Variants in ZC4H2 observed in about 807,000 individuals in gnomAD.
The protein encoded by ZC4H2 is zinc finger C4H2 domain-containing protein.
For synonymous variants in ZC4H2, 84 were observed against 66.3 expected, an observed-to-expected ratio of 1.27 and a Z score of -1.30; for missense variants, 137 against 173.9, an observed-to-expected ratio of 0.79 and a Z score of 1.19.
At chrX:65,028,645 C>A (rs1418971593) in intron 1 of ZC4H2, among the ~76,000 whole-genome samples, 2 of 110,104 alleles carry the variant, frequency 1.8e-5, no homozygotes, top group African/African-American at 6.6e-5. Context: ...GATTCTCAGG[C>A]CTCAGCCTCC....
intron 1 of ZC4H2, among the ~76,000 whole-genome samples, chrX:64,976,106 G>A (rs1325793043): frequency 1.8e-5 from 2 of 111,228 alleles, no homozygotes; most frequent in Non-Finnish European, 3.8e-5. Context: ...TACCAAACCC[G>A]TGTTTCTTCA....
intron 2 of ZC4H2, among the ~76,000 whole-genome samples, 188 bp from the exon 3 acceptor site, chrX:64,920,441 C>T (rs1175352237): frequency 8.9e-6 from 1 of 111,904 alleles, no homozygotes. Flanking sequence ...TGGTGATATT[C>T]TAGTGCTTAA....
At chrX:65,031,685 C>T (rs778199527) in intron 1 of ZC4H2, among the ~76,000 whole-genome samples, 3 of 112,003 alleles carry the variant, frequency 2.7e-5, no homozygotes, top group African/African-American at 6.5e-5. Flanking sequence ...ACTACAGAGT[C>T]TCAGTCTCCA....
At chrX:64,997,097 A>C (rs967387191) in intron 1 of ZC4H2, among the ~76,000 whole-genome samples, 1 of 112,405 alleles carries the variant, frequency 8.9e-6, no homozygotes, top group African/African-American at 3.2e-5. Flanking sequence ...CTTGAAAGCA[A>C]CAAGAGAAAA....
intron 1 of ZC4H2, among the ~76,000 whole-genome samples, chrX:64,955,280 T>C: frequency 8.9e-6 from 1 of 111,826 alleles, no homozygotes; most frequent in Non-Finnish European, 1.9e-5. Context: ...AATGCATGTT[T>C]TCTGGTTGTA....
At chrX:64,994,196 GTAT>G (rs1348921949) in intron 1 of ZC4H2, among the ~76,000 whole-genome samples, 1 of 111,433 alleles carries the variant, frequency 9.0e-6, no homozygotes, top group African/African-American at 3.3e-5. Context: ...ACCTTTACAG[GTAT>G]TATTAGTATG....
intron 1 of ZC4H2, among the ~76,000 whole-genome samples, chrX:64,952,458 A>C (rs1307187365): frequency 9.0e-6 from 1 of 110,856 alleles, no homozygotes; most frequent in African/African-American, 3.3e-5. Context: ...CTGATAAGCA[A>C]CTTCAGCAAA....
chrX:64,981,540 A>C (rs1435614740), intron 1 of ZC4H2, among the ~76,000 whole-genome samples: 1 of 111,125 alleles, frequency 9.0e-6, no homozygotes, highest in Non-Finnish European at 1.9e-5. Context: ...AAGGCATCTA[A>C]AATGACTCCT....
intron 1 of ZC4H2, among the ~76,000 whole-genome samples, chrX:64,966,802 C>T (rs1455670650): frequency 9.0e-6 from 1 of 111,642 alleles, no homozygotes; most frequent in East Asian, 2.8e-4. Context: ...TGGATAAGAA[C>T]AAAGATCAAC....
chrX:65,034,115 T>C (rs1932975404), intron 1 of ZC4H2, among the ~76,000 whole-genome samples: 1 of 109,683 alleles, frequency 9.1e-6, no homozygotes, highest in South Asian at 3.9e-4. Flanking sequence ...AAATTCCTAG[T>C]TCAAGGAAAC....
At chrX:65,019,761 C>T (rs1206738126) in intron 1 of ZC4H2, among the ~76,000 whole-genome samples, 1 of 111,844 alleles carries the variant, frequency 8.9e-6, no homozygotes, top group African/African-American at 3.3e-5. Flanking sequence ...CATGTTCTAA[C>T]CCAATGCAAG....
chrX:64,938,470 G>A (rs1192116138), intron 1 of ZC4H2, among the ~76,000 whole-genome samples: 1 of 111,690 alleles, frequency 9.0e-6, no homozygotes, highest in African/African-American at 3.3e-5. Flanking sequence ...AAACCTGGCA[G>A]AGACACAACA....
chrX:64,964,057 A>T (rs1931498556), intron 1 of ZC4H2, among the ~76,000 whole-genome samples: 1 of 110,915 alleles, frequency 9.0e-6, no homozygotes, highest in Non-Finnish European at 1.9e-5. Context: ...TAGAGCTGCT[A>T]TTCAATATGT....
intron 1 of ZC4H2, among the ~76,000 whole-genome samples, chrX:64,963,684 A>AT (rs1460820985): frequency 9.0e-6 from 1 of 111,322 alleles, no homozygotes; most frequent in African/African-American, 3.3e-5. Flanking sequence ...AATATATAAA[A>AT]ATATATAAAT....
At chrX:64,951,433 C>T (rs1602411760) in intron 1 of ZC4H2, among the ~76,000 whole-genome samples, 1 of 111,698 alleles carries the variant, frequency 9.0e-6, no homozygotes, top group East Asian at 2.8e-4. Context: ...TAAAAGTGTT[C>T]CTATTTCTCC....
At chrX:64,950,715 T>C (rs925093686) in intron 1 of ZC4H2, among the ~76,000 whole-genome samples, 2 of 111,030 alleles carry the variant, frequency 1.8e-5, no homozygotes, top group Non-Finnish European at 3.8e-5. Flanking sequence ...TCTTCCTCCA[T>C]CCCTTTATTT....
intron 1 of ZC4H2, among the ~76,000 whole-genome samples, chrX:65,009,810 C>T (rs1171424961): frequency 9.0e-6 from 1 of 111,593 alleles, no homozygotes; most frequent in Non-Finnish European, 1.9e-5. Context: ...ACTTGCTGTG[C>T]TGTAAGTAAT....
At chrX:64,962,305 A>G (rs1931426093) in intron 1 of ZC4H2, among the ~76,000 whole-genome samples, 1 of 111,889 alleles carries the variant, frequency 8.9e-6, no homozygotes, top group South Asian at 3.7e-4. Context: ...ATGAAAGATA[A>G]CAGTCACATG....
At chrX:64,918,070 C>T (rs1281772333) in intron 4 of ZC4H2, 174 bp from the exon 5 acceptor site, 4 of 519,526 alleles carry the variant, frequency 7.7e-6, no homozygotes, top group Non-Finnish European at 1.2e-5. Context: ...GAAGGAAGGA[C>T]ATAACCCAGT....
Sources: gnomAD v4.1 joint callset for allele counts (sites outside exome capture counted in the v4.1 genomes callset) on GRCh38, gnomAD v4.1.1 for gene constraint, MANE v1.5 for transcripts, NCBI Gene and HGNC (gene_info 2026-07-23, HGNC 2026-07-21) for gene names.